RBFOX1: variants seen among roughly 807,000 people sequenced by gnomAD.
RBFOX1 encodes the protein RNA binding fox-1 homolog 1.
A neutral mutation model predicts 57.7 loss-of-function variants in RBFOX1; 8 were observed. The ratio of observed to expected loss-of-function variants is 0.14; its 90% confidence interval spans 0.08 to 0.25. The LOEUF (loss-of-function observed/expected upper bound fraction) is 0.25. Among genes scored for constraint, RBFOX1 ranks in the 10% least tolerant of loss-of-function variants. The pLI is 1.00. For missense variants in RBFOX1, 611 were observed against 548.5 expected, an observed-to-expected ratio of 1.11 and a Z score of -1.14; for synonymous variants, 326 against 222.4, an observed-to-expected ratio of 1.47 and a Z score of -4.15.
chr16:6,105,964 C>T (rs996419068), intron 1 of RBFOX1, among the ~76,000 whole-genome samples: 3 of 152,038 alleles, frequency 2.0e-5, no homozygotes, highest in Non-Finnish European at 4.4e-5. Context: ...CCACTTGCCA[C>T]CCCCCAGCTC....
intron 3 of RBFOX1, among the ~76,000 whole-genome samples, chr16:7,027,515 G>C (rs1480224772): frequency 1.5e-5 from 1 of 68,942 alleles, no homozygotes; most frequent in Non-Finnish European, 3.0e-5. Context: ...CAAGCAGTCT[G>C]GCTTCAGGGC....
At chr16:6,483,250 C>G (rs1192312973) in intron 2 of RBFOX1, 7 of 1,274,636 alleles carry the variant, frequency 5.5e-6, no homozygotes, top group Non-Finnish European at 6.9e-6. Context: ...CGTGGCCTCC[C>G]TTTGTGCGCG....
At chr16:5,658,471 C>G (rs1320044559) in intron 3 of RBFOX1, among the ~76,000 whole-genome samples, 1 of 152,044 alleles carries the variant, frequency 6.6e-6, no homozygotes, top group Non-Finnish European at 1.5e-5. Flanking sequence ...TGGGATGGTG[C>G]TTCTTGACCC....
intron 4 of RBFOX1, among the ~76,000 whole-genome samples, chr16:5,904,215 G>C (rs754517240): frequency 3.3e-5 from 5 of 152,072 alleles, no homozygotes; most frequent in Non-Finnish European, 7.4e-5. Context: ...ATCTCGGCAA[G>C]CCTTGAAATT....
chr16:6,134,556 A>T (rs566529062), intron 1 of RBFOX1, among the ~76,000 whole-genome samples: 4 of 152,258 alleles, frequency 2.6e-5, no homozygotes, highest in Admixed American at 2.6e-4. Context: ...GGTACCAAAG[A>T]CATGACATTA....
At chr16:7,519,092 G>A (rs897575991) in intron 5 of RBFOX1, among the ~76,000 whole-genome samples, 37 of 152,162 alleles carry the variant, frequency 2.4e-4, no homozygotes, top group Admixed American at 2.2e-3. Context: ...ATTTTTAGGT[G>A]TACAGTTCAC....
intron 1 of RBFOX1, among the ~76,000 whole-genome samples, chr16:6,123,034 T>A (rs1597509484): frequency 6.6e-6 from 1 of 152,108 alleles, no homozygotes; most frequent in East Asian, 1.9e-4. Flanking sequence ...CACATGGCTA[T>A]CAGAAGAAAA....
intron 15 of RBFOX1, chr16:7,709,666 C>A (rs1021417522): frequency 8.0e-5 from 121 of 1,504,208 alleles, no homozygotes; most frequent in Admixed American, 1.9e-4. Flanking sequence ...TGTGTGTGTA[C>A]CTAGTACATA....
At chr16:7,213,841 G>T (rs1440019273) in intron 4 of RBFOX1, among the ~76,000 whole-genome samples, 1 of 152,164 alleles carries the variant, frequency 6.6e-6, no homozygotes, top group Non-Finnish European at 1.5e-5. Flanking sequence ...GATGAGGGTT[G>T]AAAAAGTCCT....
chr16:7,183,745 C>G (rs573806294), intron 4 of RBFOX1, among the ~76,000 whole-genome samples: 6 of 152,170 alleles, frequency 3.9e-5, no homozygotes, highest in African/African-American at 1.4e-4. Flanking sequence ...ACTGTCAGAA[C>G]AAAATTGATA....
intron 4 of RBFOX1, among the ~76,000 whole-genome samples, chr16:7,412,238 A>T (rs1375378187): frequency 1.3e-5 from 2 of 151,686 alleles, no homozygotes; most frequent in Non-Finnish European, 2.9e-5. Flanking sequence ...AACATGGTGA[A>T]ACCCCATCTC....
intron 4 of RBFOX1, among the ~76,000 whole-genome samples, chr16:6,011,957 G>T (rs547147749): frequency 1.1e-3 from 164 of 152,272 alleles, no homozygotes; most frequent in African/African-American, 3.1e-3. Flanking sequence ...AGGTGGCATC[G>T]CCCACACCAT....
intron 2 of RBFOX1, among the ~76,000 whole-genome samples, chr16:5,501,161 C>G (rs1186871261): frequency 6.6e-6 from 1 of 151,308 alleles, no homozygotes; most frequent in Admixed American, 6.6e-5. Flanking sequence ...ACTGAAAATA[C>G]AAAAAAATTA....
At chr16:6,241,111 C>T (rs1337420339) in intron 1 of RBFOX1, among the ~76,000 whole-genome samples, 1 of 152,204 alleles carries the variant, frequency 6.6e-6, no homozygotes, top group African/African-American at 2.4e-5. Flanking sequence ...CCAATCTCAA[C>T]AGTCTTTGGA....
intron 4 of RBFOX1, among the ~76,000 whole-genome samples, chr16:7,225,872 G>T (rs1603372198): frequency 1.5e-5 from 2 of 129,390 alleles, no homozygotes; most frequent in South Asian, 4.7e-4. Flanking sequence ...CCTGCATATT[G>T]TGCACATGTA....
At chr16:7,139,097 C>T (rs1445296098) in intron 4 of RBFOX1, among the ~76,000 whole-genome samples, 1 of 151,954 alleles carries the variant, frequency 6.6e-6, no homozygotes. Context: ...AGCCACCATG[C>T]ATGGTCAACT....
intron 1 of RBFOX1, among the ~76,000 whole-genome samples, chr16:6,299,430 C>T (rs573722683): frequency 7.9e-5 from 12 of 152,200 alleles, no homozygotes; most frequent in Non-Finnish European, 1.5e-4. Flanking sequence ...TTCCATATTA[C>T]GGGTGTAAAG....
intron 5 of RBFOX1, among the ~76,000 whole-genome samples, chr16:7,554,276 C>G (rs574601090): frequency 3.9e-5 from 6 of 152,190 alleles, no homozygotes; most frequent in Non-Finnish European, 8.8e-5. Context: ...ATAGCAGGAA[C>G]CGTTCTTCAA....
At position 6,859,939 on chromosome 16, in the gene RBFOX1, G is replaced by C. The variant is rs533436149; in HGVS notation, c.-15-192118G>C. On this transcript the variant is annotated intron_variant, in intron 3 of 15. Coordinates refer to ENST00000550418, the MANE Select transcript of RBFOX1 (RefSeq NM_018723.4). ...GGCTGATTAAGCAAATTAATGAATT[G>C]AGACAGCTGAATAGTAAGTGAGAAG... Among the ~76,000 whole-genome samples the C allele has an allele frequency of 2.6e-5, 4 of 152,278 alleles. No individual in the cohort carries two copies. In the East Asian group the frequency reaches 5.8e-4, roughly 22 times the overall value.
Sources: allele counts gnomAD v4.1 joint callset (sites outside exome capture counted in the v4.1 genomes callset), GRCh38; gene constraint gnomAD v4.1.1; transcripts MANE v1.5; gene names NCBI Gene and HGNC (gene_info 2026-07-23, HGNC 2026-07-21).